Variants in VPS13B observed in about 807,000 individuals in gnomAD.
VPS13B encodes intermembrane lipid transfer protein VPS13B.
Under a neutral mutation model 426.4 loss-of-function variants are expected in VPS13B, and 285 were observed. The observed-to-expected ratio is 0.67, with a 90% CI of 0.61 to 0.74. The LOEUF is 0.74. VPS13B is among the 30% of genes least tolerant of loss of function. VPS13B has a pLI of 0.00. For missense variants in VPS13B, 4,537 were observed against 4,782.6 expected, an observed-to-expected ratio of 0.95 and a Z score of 1.51; for synonymous variants, 1,676 against 1,676.4, an observed-to-expected ratio of 1.00 and a Z score of 0.01.
chr8:99,445,030 G>A (rs190006443), intron 23 of VPS13B, among the ~76,000 whole-genome samples: 25 of 152,048 alleles, frequency 1.6e-4, no homozygotes, highest in African/African-American at 5.8e-4. Context: ...TATTGGCCAG[G>A]CTGGTCTCGA....
At chr8:99,443,854 C>T (rs1266804860) in intron 23 of VPS13B, among the ~76,000 whole-genome samples, 4 of 152,160 alleles carry the variant, frequency 2.6e-5, no homozygotes, top group East Asian at 1.9e-4. Context: ...ATTGTTGTGT[C>T]GTATAGTAAC....
chr8:99,461,727 C>G (rs1395544989), intron 23 of VPS13B, among the ~76,000 whole-genome samples: 2 of 152,142 alleles, frequency 1.3e-5, no homozygotes, highest in South Asian at 2.1e-4. Flanking sequence ...ACAGCTCACT[C>G]TCTGAAGAAT....
rs60698750 is a variant in VPS13B at position 99,250,664 on chromosome 8, C to CTTTTTTTTTTTTTTTTTTT, written c.2516-23514_2516-23496dup. On this transcript the variant is annotated intron_variant, in intron 17 of 61. Transcript: ENST00000357162. ...CTGTCCACTAATCCGTGTGTTTATT[C>CTTTTTTTTTTTTTTTTTTT]TTTTTTTTTTTTTTTTTTTTTTTTT... is the stretch of plus-strand genomic sequence containing the variant. Among the ~76,000 whole-genome samples, 2 of 35,806 alleles carry CTTTTTTTTTTTTTTTTTTT rather than the reference C, an allele frequency of 5.6e-5. 1 individual carries two copies. The highest frequency in any genetic ancestry group is 9.3e-5 in the Non-Finnish European group (2 of 21,420). 23.5% of individuals were successfully genotyped at this position (35,806 alleles called of 152,430 possible). A position where few individuals can be genotyped will look rare whatever the true frequency, so the allele number is the denominator to read the frequency against.
intron 15 of VPS13B, among the ~76,000 whole-genome samples, chr8:99,164,869 T>TCTCTTCGAATTTTCTTTCC (rs1383904606): frequency 1.4e-4 from 21 of 152,296 alleles, no homozygotes; most frequent in African/African-American, 5.1e-4. Flanking sequence ...TTTCTCTTTC[T>TCTCTTCGAATTTTCTTTCC]CTCTTCGACT....
At chr8:99,453,247 C>A (rs142838886) in intron 23 of VPS13B, among the ~76,000 whole-genome samples, 4 of 152,156 alleles carry the variant, frequency 2.6e-5, no homozygotes, top group African/African-American at 9.6e-5. Context: ...TCATAATTTC[C>A]ACTTGTTCTG....
At chr8:99,311,378 C>G (rs1239275277) in intron 19 of VPS13B, among the ~76,000 whole-genome samples, 2 of 152,084 alleles carry the variant, frequency 1.3e-5, no homozygotes, top group African/African-American at 4.8e-5. Context: ...TGTCTTTTTT[C>G]TCATTGGTTT....
At chr8:99,395,418 G>A (rs972080556) in intron 21 of VPS13B, among the ~76,000 whole-genome samples, 12 of 152,136 alleles carry the variant, frequency 7.9e-5, no homozygotes, top group African/African-American at 2.9e-4. Context: ...AGGGTGGAAG[G>A]CATTGAAGTT....
At chr8:99,269,878 A>G (rs562247840) in intron 17 of VPS13B, among the ~76,000 whole-genome samples, 230 of 152,174 alleles carry the variant, frequency 1.5e-3, no homozygotes, top group African/African-American at 5.1e-3. Flanking sequence ...ATTTGATATC[A>G]ATGTCTATCA....
chr8:99,341,429 C>G (rs1466929482), intron 19 of VPS13B: 1 of 158,620 alleles, frequency 6.3e-6, no homozygotes, highest in Non-Finnish European at 1.4e-5. Context: ...TTCAATAACA[C>G]TTCCTTCACT....
At chr8:99,115,497 C>T (rs943368712) in intron 6 of VPS13B, among the ~76,000 whole-genome samples, 1 of 152,032 alleles carries the variant, frequency 6.6e-6, no homozygotes, top group African/African-American at 2.4e-5. Context: ...AATATCGTTT[C>T]TATCTAACGT....
In VPS13B at chr8:99,014,110, C is replaced by CTTTTTTTTTTTTTTTTTT. The variant is rs1211028912; in HGVS notation, c.147+183_147+200dup. Among the ~76,000 whole-genome samples the CTTTTTTTTTTTTTTTTTT allele has an allele frequency of 4.3e-4, 31 of 72,310 alleles. 1 individual carries two copies. The highest frequency in any genetic ancestry group is 1.6e-3 in the East Asian group (3 of 1,920). The allele number at this position is 72,310 out of a possible 152,430, so 47.4% of individuals were successfully genotyped here. On this transcript the variant is annotated intron_variant, in intron 2 of 61. Coordinates refer to ENST00000357162, the MANE Select transcript of VPS13B (RefSeq NM_152564.5). ...TACACTATTTTCTTTTTCTTTCTTT[C>CTTTTTTTTTTTTTTTTTT]TTTTTTTTTTTTTTTTTTTTTTTTT...
chr8:99,409,122 AG>A (rs2133353153), intron 21 of VPS13B, among the ~76,000 whole-genome samples: 1 of 152,278 alleles, frequency 6.6e-6, no homozygotes, highest in African/African-American at 2.4e-5. Flanking sequence ...GAGGATCCTT[AG>A]GGCCTCAGAT....
intron 43 of VPS13B, chr8:99,796,859 G>T (rs949828095): frequency 6.6e-6 from 1 of 152,200 alleles, no homozygotes; most frequent in Non-Finnish European, 1.5e-5. Context: ...TCTTCACCTG[G>T]TAACACTGTC....
chr8:99,543,531 C>A (rs964462461), intron 30 of VPS13B, among the ~76,000 whole-genome samples: 3 of 151,912 alleles, frequency 2.0e-5, no homozygotes, highest in African/African-American at 7.3e-5. Flanking sequence ...AGGCAACCTA[C>A]AAAATGGGAG....
At chr8:99,777,380 C>T (rs1392801177) in intron 41 of VPS13B, among the ~76,000 whole-genome samples, 2 of 152,090 alleles carry the variant, frequency 1.3e-5, no homozygotes, top group Admixed American at 1.3e-4. Flanking sequence ...CAAGGAGGAG[C>T]AGGTCACGTC....
intron 34 of VPS13B, among the ~76,000 whole-genome samples, chr8:99,657,181 G>C (rs938549379): frequency 6.6e-6 from 1 of 152,042 alleles, no homozygotes; most frequent in African/African-American, 2.4e-5. Context: ...TCCTAAGCTT[G>C]GTGCCAGATG....
At chr8:99,096,721 A>T (rs1276222829) in intron 4 of VPS13B, among the ~76,000 whole-genome samples, 2 of 150,102 alleles carry the variant, frequency 1.3e-5, no homozygotes, top group African/African-American at 4.9e-5. Flanking sequence ...ATGCTACTGC[A>T]TTCCAGCCTG....
chr8:99,121,579 T>C, intron 8 of VPS13B, 134 bp downstream of exon 8: 1 of 1,470,904 alleles, frequency 6.8e-7, no homozygotes, highest in Non-Finnish European at 9.0e-7. Flanking sequence ...AGTTCTTACT[T>C]CATAAAATTA....
At chr8:99,756,145 G>A (rs561332806) in intron 39 of VPS13B, among the ~76,000 whole-genome samples, 104 of 152,088 alleles carry the variant, frequency 6.8e-4, no homozygotes, top group Non-Finnish European at 1.2e-3. Flanking sequence ...TATTAATAAT[G>A]AGATTGAAAC....
Sources: allele counts gnomAD v4.1 joint callset (sites outside exome capture counted in the v4.1 genomes callset), GRCh38; gene constraint gnomAD v4.1.1; transcripts MANE v1.5; gene names NCBI Gene and HGNC (gene_info 2026-07-23, HGNC 2026-07-21).